Variants in MOBP observed in about 807,000 individuals in gnomAD.
MOBP encodes myelin-associated oligodendrocyte basic protein.
In MOBP, 5 loss-of-function variants were observed where a neutral mutation model predicts 15.0. The observed-to-expected ratio is 0.33, with a 90% CI of 0.17 to 0.70. The LOEUF (loss-of-function observed/expected upper bound fraction) is 0.70, where lower values mean the gene tolerates loss of function less well. Ranked by LOEUF, MOBP falls within the 30% of genes least tolerant of loss-of-function variation. The probability of loss-of-function intolerance (pLI) is 0.67; values close to 1 mark genes in which losing one functional copy is unlikely to be tolerated. For missense variants in MOBP, 188 were observed against 257.8 expected (o/e 0.73, Z 1.85); for synonymous variants, 88 against 99.0 (o/e 0.89, Z 0.66).
chr3:39,513,482 C>T, exon 5 of MOBP: 3 of 1,508,970 alleles, frequency 2.0e-6, no homozygotes, highest in East Asian at 2.3e-5. Context: ...GCTTCACAAC[C>T]CATCTACCCC....
chr3:39,489,908 C>A (rs2042770919), intron 2 of MOBP, among the ~76,000 whole-genome samples: 1 of 152,214 alleles, frequency 6.6e-6, no homozygotes, highest in Admixed American at 6.5e-5. Context: ...TATGTCAATA[C>A]AACCTCTTCA....
intron 1 of MOBP, among the ~76,000 whole-genome samples, chr3:39,477,882 T>C (rs1185236656): frequency 1.3e-5 from 2 of 151,970 alleles, no homozygotes; most frequent in Admixed American, 6.6e-5. Flanking sequence ...AGAAAAAAGC[T>C]TATAGAATAA....
At chr3:39,468,966 G>A (rs1428032804) in intron 1 of MOBP, among the ~76,000 whole-genome samples, 2 of 102,708 alleles carry the variant, frequency 1.9e-5, no homozygotes, top group Non-Finnish European at 3.7e-5. Context: ...ATACATATGT[G>A]TGTGTATATA....
chr3:39,482,625 C>T (rs1278204378), intron 2 of MOBP, among the ~76,000 whole-genome samples: 7 of 145,540 alleles, frequency 4.8e-5, no homozygotes, highest in Admixed American at 1.4e-4. Context: ...GCACTCCAGC[C>T]TGGGCAACAG....
intron 1 of MOBP, among the ~76,000 whole-genome samples, chr3:39,469,420 T>C (rs2042436321): frequency 9.2e-6 from 1 of 108,884 alleles, no homozygotes; most frequent in African/African-American, 4.5e-5. Flanking sequence ...AATTAAAATT[T>C]ATTTTAATTG....
intron 2 of MOBP, among the ~76,000 whole-genome samples, chr3:39,485,621 C>T (rs537279784): frequency 1.3e-5 from 2 of 152,340 alleles, no homozygotes; most frequent in African/African-American, 4.8e-5. Context: ...CCCGTGTGCA[C>T]TCCTCACTTG....
intron 4 of MOBP, among the ~76,000 whole-genome samples, chr3:39,508,618 C>T (rs512857): frequency 0.31 from 46,105 of 150,262 alleles, 9,243 homozygotes; most frequent in African/African-American, 0.58. Context: ...GGCATGATCT[C>T]GGCTCACTGC....
At chr3:39,527,184 C>T (rs551303095), downstream of MOBP, 5 of 152,306 alleles carry the variant, frequency 3.3e-5, no homozygotes, top group Middle Eastern at 3.4e-3. Context: ...AATTGACTCT[C>T]GTCAGCTGGC....
intron 4 of MOBP, among the ~76,000 whole-genome samples, chr3:39,510,660 T>C: frequency 6.6e-6 from 1 of 152,006 alleles, no homozygotes; most frequent in Non-Finnish European, 1.5e-5. Flanking sequence ...TCATGTATCC[T>C]GTGATTTTGC....
At chr3:39,528,305 A>C (rs1467721701), downstream of MOBP, 2 of 152,176 alleles carry the variant, frequency 1.3e-5, no homozygotes, top group Non-Finnish European at 2.9e-5. Context: ...TTATTTGTAG[A>C]CCTAGTGCCT....
intron 2 of MOBP, among the ~76,000 whole-genome samples, chr3:39,483,426 G>T (rs1288375162): frequency 1.3e-5 from 2 of 152,194 alleles, no homozygotes. Flanking sequence ...TTCAGCTTGT[G>T]TCTCCAGCTT....
downstream of MOBP, among the ~76,000 whole-genome samples, chr3:39,507,561 C>G (rs9869064): frequency 0.049 from 7,382 of 152,176 alleles, 638 homozygotes; most frequent in African/African-American, 0.17. Context: ...AGGTCATGCC[C>G]GAGAATGAGC....
chr3:39,495,750 CAAAA>C (rs1179926622), intron 2 of MOBP, among the ~76,000 whole-genome samples: 3 of 60,188 alleles, frequency 5.0e-5, no homozygotes, highest in Admixed American at 1.8e-4. Context: ...GAGACCTTGT[CAAAA>C]AAAAAAAAAA....
chr3:39,507,472 G>C (rs1191077706), downstream of MOBP, among the ~76,000 whole-genome samples: 1 of 152,200 alleles, frequency 6.6e-6, no homozygotes, highest in Non-Finnish European at 1.5e-5. Context: ...CATATGGAGG[G>C]ATTGGCCTTT....
chr3:39,527,153 G>A (rs1392994223), downstream of MOBP: 1 of 152,134 alleles, frequency 6.6e-6, no homozygotes, highest in Admixed American at 6.6e-5. Flanking sequence ...ATTTGATGCA[G>A]AATTGGGAAG....
intron 2 of MOBP, among the ~76,000 whole-genome samples, chr3:39,501,702 T>G (rs2042972195): frequency 6.6e-6 from 1 of 152,144 alleles, no homozygotes; most frequent in Non-Finnish European, 1.5e-5. Flanking sequence ...AATTTTTTAT[T>G]TTGCTTTTTA....
chr3:39,476,006 C>T (rs1443895746), intron 1 of MOBP, among the ~76,000 whole-genome samples: 19 of 152,180 alleles, frequency 1.2e-4, no homozygotes, highest in Admixed American at 1.2e-3. Flanking sequence ...TTAGTTGGCT[C>T]ATGGTTTTGC....
intron 2 of MOBP, among the ~76,000 whole-genome samples, chr3:39,485,189 A>G (rs1327438883): frequency 6.6e-6 from 1 of 152,344 alleles, no homozygotes; most frequent in East Asian, 1.9e-4. Flanking sequence ...CTAATTTGTA[A>G]ACATAATAGT....
intron 1 of MOBP, among the ~76,000 whole-genome samples, chr3:39,469,573 C>T (rs1477782418): frequency 6.6e-6 from 1 of 152,058 alleles, no homozygotes; most frequent in Non-Finnish European, 1.5e-5. Context: ...CTCCTTTAGT[C>T]TGGAACCACA....
Sources: gnomAD v4.1 joint callset for allele counts (sites outside exome capture counted in the v4.1 genomes callset) on GRCh38, gnomAD v4.1.1 for gene constraint, MANE v1.5 for transcripts, NCBI Gene and HGNC (gene_info 2026-07-23, HGNC 2026-07-21) for gene names.